The following XIRP2 variants were observed in gnomAD, a reference collection of about 807,000 sequenced individuals.
XIRP2 encodes xin actin-binding repeat-containing protein 2.
A neutral mutation model predicts 277.0 loss-of-function variants in XIRP2; 236 were observed. The ratio of observed to expected loss-of-function variants is 0.85; its 90% confidence interval spans 0.77 to 0.95. The LOEUF (loss-of-function observed/expected upper bound fraction) is 0.95, where lower values mean the gene tolerates loss of function less well. Among genes scored for constraint, XIRP2 ranks in the 40% least tolerant of loss-of-function variants. XIRP2 has a pLI of 0.00. For synonymous variants in XIRP2, 1,490 were observed against 1,416.5 expected, an observed-to-expected ratio of 1.05 and a Z score of -1.17; for missense variants, 4,640 against 4,157.5, an observed-to-expected ratio of 1.12 and a Z score of -3.19.
At chr2:166,926,274 T>C (rs1324897066) in intron 2 of XIRP2, among the ~76,000 whole-genome samples, 1 of 152,084 alleles carries the variant, frequency 6.6e-6, no homozygotes, top group Non-Finnish European at 1.5e-5. Flanking sequence ...CTGTCCTACC[T>C]ACCCTCCTTC....
intron 2 of XIRP2, among the ~76,000 whole-genome samples, chr2:167,097,152 G>T (rs182486050): frequency 6.6e-6 from 1 of 152,110 alleles, no homozygotes; most frequent in African/African-American, 2.4e-5. Context: ...GGGTGTTAAA[G>T]TCTCCCACTG....
chr2:166,998,286 A>G (rs1010181460), intron 2 of XIRP2, among the ~76,000 whole-genome samples: 1 of 152,162 alleles, frequency 6.6e-6, no homozygotes, highest in South Asian at 2.1e-4. Flanking sequence ...ACTAAAAAAA[A>G]TTAATTGACA....
At position 167,244,274 on chromosome 2, in the gene XIRP2, A is replaced by T; in HGVS notation, c.2882A>T (p.Asp961Val). 1 of 1,613,820 alleles carries T rather than the reference A, an allele frequency of 6.2e-7. No individual in the cohort carries two copies. The highest frequency in any genetic ancestry group is 8.5e-7 in the Non-Finnish European group (1 of 1,179,860). Residue 961 changes from aspartate to valine, a missense_variant, in exon 9 of 11, where the codon GAT becomes GTT. Coordinates refer to ENST00000409195, the MANE Select transcript of XIRP2 (RefSeq NM_152381.6). ...GAATCAAACAATTTAATTAAATTTG[A>T]TGCATCACATAAAATAGAGGTGGAA... is the stretch of plus-strand genomic sequence containing the variant. Reference protein sequence around the residue: ...IFESNNLIKFDASHKIEVEGV... With the variant: ...IFESNNLIKFVASHKIEVEGV...
At chr2:167,131,803 T>C (rs57732129) in intron 2 of XIRP2, among the ~76,000 whole-genome samples, 2,075 of 152,212 alleles carry the variant, frequency 0.014, 63 homozygotes, top group East Asian at 0.086. Context: ...GTTGTTCAGT[T>C]TGGACCTCTC....
At chr2:167,211,817 C>T (rs748093497) in intron 4 of XIRP2, among the ~76,000 whole-genome samples, 1 of 152,070 alleles carries the variant, frequency 6.6e-6, no homozygotes, top group Non-Finnish European at 1.5e-5. Flanking sequence ...TCAGTAAGAC[C>T]ACCAATTTTT....
At chr2:167,211,063 G>A (rs1177693837) in intron 4 of XIRP2, among the ~76,000 whole-genome samples, 168 bp downstream of exon 4, 3 of 152,144 alleles carry the variant, frequency 2.0e-5, no homozygotes, top group South Asian at 4.1e-4. Flanking sequence ...AGTTTCAACT[G>A]TGCTACTTAT....
At chr2:167,242,504 C>T (rs1695101856) in intron 8 of XIRP2, 65 bp from the exon 9 acceptor site, 6 of 1,509,974 alleles carry the variant, frequency 4.0e-6, no homozygotes, top group South Asian at 1.3e-5. Context: ...CAATGAAGGG[C>T]AGTGCCTAGG....
intron 2 of XIRP2, among the ~76,000 whole-genome samples, chr2:167,032,688 G>GA (rs1217789184): frequency 6.6e-6 from 1 of 151,942 alleles, no homozygotes; most frequent in Non-Finnish European, 1.5e-5. Flanking sequence ...AAAAATATAT[G>GA]AAAAAAAGCT....
intron 3 of XIRP2, among the ~76,000 whole-genome samples, chr2:167,138,533 A>C (rs1252839097): frequency 6.6e-6 from 1 of 152,188 alleles, no homozygotes; most frequent in African/African-American, 2.4e-5. Context: ...TATTGGTGTC[A>C]AATAAACCAT....
At chr2:166,933,165 T>TA (rs1685396310) in intron 2 of XIRP2, among the ~76,000 whole-genome samples, 1 of 151,814 alleles carries the variant, frequency 6.6e-6, no homozygotes, top group Non-Finnish European at 1.5e-5. Flanking sequence ...TTTTTTTTTT[T>TA]TGAGACAGAG....
intron 2 of XIRP2, among the ~76,000 whole-genome samples, chr2:167,112,146 T>C (rs1690775579): frequency 6.6e-6 from 1 of 152,020 alleles, no homozygotes; most frequent in Non-Finnish European, 1.5e-5. Flanking sequence ...TATAGTTTTT[T>C]GTGTCTCAGT....
At chr2:167,254,247 A>G in intron 10 of XIRP2, 82 bp downstream of exon 10, 1 of 1,353,746 alleles carries the variant, frequency 7.4e-7, no homozygotes, top group Non-Finnish European at 9.6e-7. Flanking sequence ...GAGGATGCAC[A>G]TTTTTCCAGA....
At chr2:166,937,746 G>A (rs950493453) in intron 2 of XIRP2, among the ~76,000 whole-genome samples, 1 of 152,132 alleles carries the variant, frequency 6.6e-6, no homozygotes. Context: ...TGGTTAGTAA[G>A]CTATTAATTA....
At chr2:167,095,037 C>T (rs929128916) in intron 2 of XIRP2, among the ~76,000 whole-genome samples, 2 of 152,078 alleles carry the variant, frequency 1.3e-5, no homozygotes, top group African/African-American at 2.4e-5. Context: ...CTTCACATCC[C>T]TTGTAAGTTT....
chr2:167,238,625 A>G (rs1395136434), intron 5 of XIRP2, among the ~76,000 whole-genome samples: 1 of 152,118 alleles, frequency 6.6e-6, no homozygotes, highest in Non-Finnish European at 1.5e-5. Flanking sequence ...TACTGCAAAA[A>G]ACGTTTTAGT....
intron 2 of XIRP2, among the ~76,000 whole-genome samples, chr2:167,054,037 A>T (rs1244854635): frequency 6.6e-6 from 1 of 152,170 alleles, no homozygotes; most frequent in East Asian, 1.9e-4. Flanking sequence ...ATTTTAACAT[A>T]TTGGGGAACT....
In XIRP2 at chr2:166,903,869, A is replaced by G. The variant is rs764315686; in HGVS notation, c.387A>G (p.Lys129=). The part of the protein sequence containing the change: ...SVFEAPKSGN[K]PAEYGGKEVE... ...TTGAGGCTCCTAAGAGTGGAAACAA[A>G]CCAGCTGAGTACGGTGGAAAGGTAA... Residue 129 remains lysine, a synonymous_variant, in exon 2 of 11, where the codon AAA becomes AAG. Coordinates refer to ENST00000409195, the MANE Select transcript of XIRP2 (RefSeq NM_152381.6). The G allele has an allele frequency of 6.2e-7, 1 of 1,613,196 alleles. No homozygotes were observed. The highest frequency in any genetic ancestry group is 1.3e-5 in the African/African-American group (1 of 74,862).
intron 2 of XIRP2, 133 bp downstream of exon 2, chr2:166,904,023 G>GC: frequency 9.9e-7 from 1 of 1,012,164 alleles, no homozygotes; most frequent in Admixed American, 2.8e-5. Context: ...GTGTAATGCA[G>GC]TGTGAAATGT....
chr2:166,920,242 C>A (rs1685002233), intron 2 of XIRP2, among the ~76,000 whole-genome samples: 1 of 152,080 alleles, frequency 6.6e-6, no homozygotes, highest in South Asian at 2.1e-4. Flanking sequence ...ATAATTATTC[C>A]CATTTAACAG....
Sources: allele counts gnomAD v4.1 joint callset (sites outside exome capture counted in the v4.1 genomes callset), GRCh38; gene constraint gnomAD v4.1.1; transcripts MANE v1.5; gene names NCBI Gene and HGNC (gene_info 2026-07-23, HGNC 2026-07-21).